AKT1: variants seen among roughly 807,000 people sequenced by gnomAD.
AKT1 encodes RAC-alpha serine/threonine-protein kinase.
In AKT1, 21 loss-of-function variants were observed where a neutral mutation model predicts 63.1. The observed-to-expected ratio is 0.33, with a 90% CI of 0.24 to 0.48. The LOEUF (loss-of-function observed/expected upper bound fraction) is 0.48, where lower values mean the gene tolerates loss of function less well. Ranked by LOEUF, AKT1 falls within the 20% of genes least tolerant of loss-of-function variation. The probability of loss-of-function intolerance (pLI) is 0.99; values close to 1 mark genes in which losing one functional copy is unlikely to be tolerated. For synonymous variants in AKT1, 257 were observed against 253.1 expected (o/e 1.02, Z -0.15); for missense variants, 382 against 666.0 (o/e 0.57, Z 4.69).
At chr14:104,792,844 G>A (rs1390156874) in intron 2 of AKT1, 122 bp from the exon 3 acceptor site, 2 of 640,036 alleles carry the variant, frequency 3.1e-6, no homozygotes, top group African/African-American at 1.8e-5. Flanking sequence ...GCCTTCCCAG[G>A]TGGGCTGCCA....
intron 5 of AKT1, 56 bp from the exon 6 acceptor site, chr14:104,775,855 C>A (rs1266520674): frequency 6.4e-7 from 1 of 1,573,732 alleles, no homozygotes; most frequent in African/African-American, 1.3e-5. Context: ...CTCCACCCCA[C>A]GTCTTTCACC....
rs757561054 is a variant in AKT1, at chr14:104,780,078, G to A, written c.175+10C>T. The A allele has an allele frequency of 1.2e-6, 2 of 1,612,890 alleles. No homozygotes were observed. Among genetic ancestry groups the A allele is most frequent in the Non-Finnish European group, 1.7e-6 (2 of 1,179,536 alleles). On this transcript the variant is annotated intron_variant, in intron 4 of 14. Coordinates refer to ENST00000649815, the MANE Select transcript of AKT1 (RefSeq NM_001382430.1). ...AAATCTGAATCCCGAGAGGCCAAGG[G>A]GATACTTACGCGCCACAGAGAAGTT...
chr14:104,781,923 C>T (rs1893070301), intron 3 of AKT1, among the ~76,000 whole-genome samples: 1 of 152,206 alleles, frequency 6.6e-6, no homozygotes, highest in Non-Finnish European at 1.5e-5. Flanking sequence ...ACCCCACCCA[C>T]TCCGCAAGCC....
At chr14:104,793,755 C>G (rs1893746245) in intron 1 of AKT1, 1 of 154,058 alleles carries the variant, frequency 6.5e-6, no homozygotes, top group Non-Finnish European at 1.4e-5. Context: ...CTAGGCATCC[C>G]TCAAAACCCA....
intron 13 of AKT1, 67 bp from the exon 14 acceptor site, chr14:104,770,914 GCTCAAGAC>G: frequency 7.0e-7 from 1 of 1,436,378 alleles, no homozygotes; most frequent in Non-Finnish European, 9.7e-7. Context: ...CCTCAAGTGT[GCTCAAGAC>G]CTTCAAAGCA....
chr14:104,784,556 G>A (rs1893236165), intron 3 of AKT1, among the ~76,000 whole-genome samples: 1 of 152,164 alleles, frequency 6.6e-6, no homozygotes, highest in Non-Finnish European at 1.5e-5. Context: ...CCCAGGAAGG[G>A]GCTGGAGCAC....
chr14:104,794,999 G>C (rs1400463830), intron 1 of AKT1: 1 of 152,208 alleles, frequency 6.6e-6, no homozygotes, highest in Non-Finnish European at 1.5e-5. Flanking sequence ...TGGGTACCCC[G>C]CCACCACGTA....
intron 14 of AKT1, 131 bp from the exon 15 acceptor site, chr14:104,770,551 G>C (rs1260866356): frequency 1.9e-6 from 2 of 1,035,614 alleles, no homozygotes; most frequent in East Asian, 5.2e-5. Flanking sequence ...AACTGAGACA[G>C]GGCCCCACAG....
intron 3 of AKT1, among the ~76,000 whole-genome samples, chr14:104,787,799 G>A (rs1016603171): frequency 2.6e-5 from 4 of 152,264 alleles, no homozygotes; most frequent in Non-Finnish European, 5.9e-5. Flanking sequence ...AAGAAGAGCT[G>A]TCCACTCAGG....
intron 9 of AKT1, 125 bp from the exon 10 acceptor site, chr14:104,773,705 CG>C (rs1210201601): frequency 5.7e-6 from 8 of 1,409,608 alleles, no homozygotes; most frequent in Non-Finnish European, 6.7e-6. Flanking sequence ...CCAGAGGGCA[CG>C]GGGGCCTGGA....
rs2140900738 is a variant in AKT1 at position 104,772,931 on chromosome 14, A to T, written c.1119T>A (p.Gly373=). The part of the protein sequence containing the change: ...MEEIRFPRTL[G]PEAKSLLSGL... ...CTGAAAGCAAGGACTTGGCCTCGGGACCAAGCGTGCGCGGGAAGCGGATCT... is the reference window on the plus strand; with the variant it reads ...CTGAAAGCAAGGACTTGGCCTCGGGTCCAAGCGTGCGCGGGAAGCGGATCT... Residue 373 remains glycine, a synonymous_variant, in exon 12 of 15, where the codon GGT becomes GGA. Transcript: ENST00000649815. The T allele has an allele frequency of 6.2e-7, 1 of 1,613,854 alleles. No homozygotes were observed. The highest frequency in any genetic ancestry group is 8.5e-7 in the Non-Finnish European group (1 of 1,180,000).
At chr14:104,776,481 C>A in intron 5 of AKT1, 178 bp downstream of exon 5, 1 of 553,170 alleles carries the variant, frequency 1.8e-6, no homozygotes. Flanking sequence ...TCAGTTTCCC[C>A]ACCCAAACCC....
chr14:104,790,280 G>A (rs111682769), intron 3 of AKT1, among the ~76,000 whole-genome samples: 2 of 152,214 alleles, frequency 1.3e-5, no homozygotes, highest in East Asian at 1.9e-4. Flanking sequence ...GCAAGGCTGG[G>A]GGGGAGTGGA....
chr14:104,773,215 C>G (rs779060318), intron 11 of AKT1, 36 bp downstream of exon 11: 26 of 1,613,524 alleles, frequency 1.6e-5, no homozygotes, highest in Non-Finnish European at 2.2e-5. Context: ...GACGTGGGGA[C>G]GCAGCAACGC....
chr14:104,780,946 C>T (rs991032580), intron 3 of AKT1, among the ~76,000 whole-genome samples: 1 of 152,124 alleles, frequency 6.6e-6, no homozygotes, highest in Non-Finnish European at 1.5e-5. Flanking sequence ...GGTGCCAAGT[C>T]CCCAGGCTGA....
intron 3 of AKT1, among the ~76,000 whole-genome samples, chr14:104,790,580 G>A (rs547115227): frequency 1.8e-4 from 27 of 152,308 alleles, no homozygotes; most frequent in Non-Finnish European, 2.9e-4. Flanking sequence ...CGCAAGGAGC[G>A]GCCGGCCATG....
intron 3 of AKT1, among the ~76,000 whole-genome samples, chr14:104,783,475 C>T (rs1030559313): frequency 7.2e-5 from 11 of 151,940 alleles, no homozygotes; most frequent in African/African-American, 2.2e-4. Flanking sequence ...ATCTCCCCAC[C>T]ATCAGCCAGC....
chr14:104,779,262 C>G (rs867392844), intron 4 of AKT1, among the ~76,000 whole-genome samples: 1 of 152,252 alleles, frequency 6.6e-6, no homozygotes, highest in African/African-American at 2.4e-5. Context: ...CAAGGTCCCC[C>G]GCTGGCCTTT....
intron 3 of AKT1, among the ~76,000 whole-genome samples, chr14:104,784,402 C>CG (rs1373323814): frequency 3.3e-5 from 5 of 152,090 alleles, no homozygotes; most frequent in African/African-American, 2.4e-5. Flanking sequence ...TGTCCCTGCC[C>CG]GGGGGGACAG....
Sources: gnomAD v4.1 joint callset for allele counts (sites outside exome capture counted in the v4.1 genomes callset) on GRCh38, gnomAD v4.1.1 for gene constraint, MANE v1.5 for transcripts, NCBI Gene and HGNC (gene_info 2026-07-23, HGNC 2026-07-21) for gene names.